SAMM50: variants seen among roughly 807,000 people sequenced by gnomAD.
SAMM50 encodes the protein SAMM50 sorting and assembly machinery component.
In SAMM50, 47 loss-of-function variants were observed where a neutral mutation model predicts 66.9. That is an observed-to-expected ratio of 0.70 (90% CI 0.56 to 0.90). SAMM50 has a LOEUF of 0.90. SAMM50 is among the 40% of genes least tolerant of loss of function. SAMM50 has a pLI of 0.00. For missense variants in SAMM50, 535 were observed against 595.3 expected (o/e 0.90, Z 1.05); for synonymous variants, 191 against 214.1 (o/e 0.89, Z 0.94).
In SAMM50 at chr22:43,990,282, C is replaced by T. The variant is rs376687615; in HGVS notation, c.1240C>T (p.His414Tyr). 1.7e-5 allele frequency: 28 copies of T among 1,614,054 alleles called. No homozygotes were observed. Among genetic ancestry groups the T allele is most frequent in the South Asian group, 2.2e-5 (2 of 91,080 alleles). ...NLNYGEGPKA[H>Y]IRKLAECIRW... ...CTTTTCAGGGGAGGGCCCCAAAGCT[C>T]ATATTCGTAAGCTGGCTGAGTGCAT... is the stretch of plus-strand genomic sequence containing the variant. Residue 414 changes from histidine to tyrosine, a missense_variant, in exon 14 of 15, where the codon CAT (histidine) becomes TAT (tyrosine). By Grantham distance (83) the His-to-Tyr change is moderately conservative. Coordinates refer to ENST00000350028, the MANE Select transcript of SAMM50 (RefSeq NM_015380.5).
At chr22:43,989,293 C>G (rs761808897) in intron 13 of SAMM50, 36 bp downstream of exon 13, 24 of 1,597,088 alleles carry the variant, frequency 1.5e-5, no homozygotes, top group Non-Finnish European at 1.8e-5. Context: ...CATTGTAGTA[C>G]AGTTGTTTTC....
intron 9 of SAMM50, 26 bp downstream of exon 9, chr22:43,976,847 T>C: frequency 6.7e-7 from 1 of 1,503,094 alleles, no homozygotes; most frequent in Non-Finnish European, 9.0e-7. Flanking sequence ...CTGTGACCCC[T>C]GCAGGGTGAG....
chr22:43,968,920 C>G, intron 4 of SAMM50, 102 bp downstream of exon 4: 1 of 739,574 alleles, frequency 1.4e-6, no homozygotes, highest in East Asian at 2.5e-5. Flanking sequence ...GCACTGCTCC[C>G]TGCTGTGTAG....
chr22:43,972,851 T>TG lies in SAMM50; in HGVS notation c.430-20_430-19insG. The TG allele has an allele frequency of 6.3e-7, 1 of 1,575,166 alleles. No individual in the cohort carries two copies. Among genetic ancestry groups the TG allele is most frequent in the Non-Finnish European group, 8.6e-7 (1 of 1,165,466 alleles). ...TCCTTCAATGTAGACCACTGCTATT[T>TG]TTTTTTTTTCCCCTCCTAGGTACTT... On this transcript the variant is annotated intron_variant, in intron 5 of 14. Transcript: ENST00000350028.
chr22:43,958,717 TC>T (rs2050132802), intron 1 of SAMM50, among the ~76,000 whole-genome samples: 1 of 152,128 alleles, frequency 6.6e-6, no homozygotes, highest in Non-Finnish European at 1.5e-5. Context: ...GACCTTGTGA[TC>T]CACCCGCCTC....
At chr22:43,990,165 T>G in intron 13 of SAMM50, 100 bp from the exon 14 acceptor site, 1 of 1,431,988 alleles carries the variant, frequency 7.0e-7, no homozygotes, top group Non-Finnish European at 9.6e-7. Context: ...TAAAAACAAC[T>G]GCAGGGCCCA....
chr22:43,959,721 T>G (rs865816829), intron 1 of SAMM50, among the ~76,000 whole-genome samples: 2 of 152,240 alleles, frequency 1.3e-5, no homozygotes, highest in African/African-American at 4.8e-5. Context: ...CCATGCCTAT[T>G]ATTCTAGGCA....
At chr22:43,966,522 T>A (rs1204688432) in intron 3 of SAMM50, among the ~76,000 whole-genome samples, 1 of 152,162 alleles carries the variant, frequency 6.6e-6, no homozygotes, top group Non-Finnish European at 1.5e-5. Context: ...CACACCCAGC[T>A]AATTTTTTGT....
chr22:43,979,896 T>G (rs1391418595), intron 10 of SAMM50, among the ~76,000 whole-genome samples: 31 of 151,488 alleles, frequency 2.0e-4, no homozygotes, highest in Non-Finnish European at 4.4e-5. Flanking sequence ...CTCCCTTTTT[T>G]TCAGTTGTTT....
chr22:43,994,628 GA>G (rs1170836549), intron 14 of SAMM50, among the ~76,000 whole-genome samples: 2 of 152,224 alleles, frequency 1.3e-5, no homozygotes, highest in Non-Finnish European at 2.9e-5. Flanking sequence ...TGGGTGAGAA[GA>G]AGGTGGGAGA....
chr22:43,968,969 C>T, intron 4 of SAMM50, 151 bp downstream of exon 4: 2 of 591,160 alleles, frequency 3.4e-6, no homozygotes, highest in South Asian at 4.1e-5. Flanking sequence ...CTTGAGTTAG[C>T]AGTCTCAGGG....
At chr22:43,990,137 A>G (rs768063616) in intron 13 of SAMM50, 128 bp from the exon 14 acceptor site, 3 of 1,034,110 alleles carry the variant, frequency 2.9e-6, no homozygotes, top group Non-Finnish European at 4.2e-6. Flanking sequence ...CATCCTCCCT[A>G]ATCTCTAGGC....
At chr22:43,977,086 T>C (rs556897911) in intron 9 of SAMM50, among the ~76,000 whole-genome samples, 1 of 152,280 alleles carries the variant, frequency 6.6e-6, no homozygotes, top group East Asian at 1.9e-4. Context: ...GGGCCTGTAA[T>C]AGGCCAGGAG....
At chr22:43,991,694 G>C (rs2050325831) in intron 14 of SAMM50, among the ~76,000 whole-genome samples, 1 of 152,236 alleles carries the variant, frequency 6.6e-6, no homozygotes, top group South Asian at 2.1e-4. Flanking sequence ...TTCATACTCT[G>C]CCAGTTCTGG....
intron 12 of SAMM50, chr22:43,988,879 C>G: frequency 2.5e-6 from 1 of 403,510 alleles, no homozygotes; most frequent in Non-Finnish European, 4.4e-6. Context: ...ACGACATTGG[C>G]TTTGTTTGCC....
chr22:43,964,563 G>C lies in SAMM50; in HGVS notation c.234+10G>C, dbSNP rs941466434. 2 of 1,417,422 alleles carry C rather than the reference G, an allele frequency of 1.4e-6. No homozygotes were observed. The highest frequency in any genetic ancestry group is 1.7e-5 in the Admixed American group (1 of 59,694). The allele number at this position is 1,417,422 out of a possible 1,614,324, so 87.8% of individuals were successfully genotyped here. A position where few individuals can be genotyped will look rare whatever the true frequency, so the allele number is the denominator to read the frequency against. On this transcript the variant is annotated intron_variant, in intron 3 of 14. Coordinates refer to ENST00000350028, the MANE Select transcript of SAMM50 (RefSeq NM_015380.5). ...CAAAAACCTAATTGAGGTAGGTGTG[G>C]TCTCTACATGGTGTGCTTTCCCAGT... is the stretch of plus-strand genomic sequence containing the variant.
chr22:43,973,578 T>C (rs2146814990), intron 7 of SAMM50, among the ~76,000 whole-genome samples: 1 of 152,312 alleles, frequency 6.6e-6, no homozygotes, highest in Middle Eastern at 3.4e-3. Flanking sequence ...CCTCCCCATA[T>C]GTGTGGAGAC....
At chr22:43,957,925 A>AT (rs940627302) in intron 1 of SAMM50, among the ~76,000 whole-genome samples, 4 of 151,342 alleles carry the variant, frequency 2.6e-5, no homozygotes, top group African/African-American at 9.7e-5. Context: ...TGTTCGGCTA[A>AT]TTTTTTGTAT....
chr22:43,956,485 G>A (rs1165320928), intron 1 of SAMM50, among the ~76,000 whole-genome samples: 1 of 152,148 alleles, frequency 6.6e-6, no homozygotes, highest in African/African-American at 2.4e-5. Context: ...ATCAAACACC[G>A]TTTCTCTTCT....
Sources: allele counts gnomAD v4.1 joint callset (sites outside exome capture counted in the v4.1 genomes callset), GRCh38; gene constraint gnomAD v4.1.1; transcripts MANE v1.5; gene names NCBI Gene and HGNC (gene_info 2026-07-23, HGNC 2026-07-21).